The following EFEMP1 variants were observed in gnomAD, a reference collection of about 807,000 sequenced individuals.
EFEMP1 encodes the protein EGF-containing fibulin-like extracellular matrix protein 1.
Under a neutral mutation model 65.7 loss-of-function variants are expected in EFEMP1, and 18 were observed. The ratio of observed to expected loss-of-function variants is 0.27; its 90% CI spans 0.19 to 0.41. EFEMP1 has a LOEUF of 0.41. Among genes scored for constraint, EFEMP1 ranks in the 10% least tolerant of loss-of-function variants. EFEMP1 has a pLI of 1.00. For missense variants in EFEMP1, 469 were observed against 624.8 expected, an observed-to-expected ratio of 0.75 and a Z score of 2.66; for synonymous variants, 237 against 219.7, an observed-to-expected ratio of 1.08 and a Z score of -0.70.
chr2:55,922,452 A>G lies in EFEMP1; in HGVS notation c.-7-5T>C. On this transcript the variant is annotated splice_region_variant and splice_polypyrimidine_tract_variant and intron_variant, in intron 2 of 11. Coordinates refer to ENST00000355426, the MANE Select transcript of EFEMP1 (RefSeq NM_001039348.3). This position sits in a 1 kb window ranked among gnomAD's most constrained non-coding sequence, Gnocchi z 5.5. The stretch of plus-strand genomic sequence containing the variant: ...AGGGCTTTCAACATTGTGAATCTCA[A>G]AGAAAATACAGGACAAACTAATGTT... The G allele has an allele frequency of 6.2e-7, 1 of 1,612,522 alleles. No homozygotes were observed. Among genetic ancestry groups the G allele is most frequent in the Middle Eastern group, 1.7e-4 (1 of 6,054 alleles).
intron 5 of EFEMP1, among the ~76,000 whole-genome samples, chr2:55,905,308 A>C (rs2104432640): frequency 6.6e-6 from 1 of 152,272 alleles, no homozygotes; most frequent in Admixed American, 6.5e-5. Context: ...TTCTCTTGTC[A>C]CTATAAACTT....
chr2:55,920,653 T>A (rs1451260144), intron 3 of EFEMP1, among the ~76,000 whole-genome samples: 1 of 152,212 alleles, frequency 6.6e-6, no homozygotes, highest in Non-Finnish European at 1.5e-5. Context: ...TTCTAGACAT[T>A]TAATGTCAGT....
At chr2:55,875,151 A>G (rs1465564623) in intron 8 of EFEMP1, 86 bp from the exon 9 acceptor site, 1 of 490,668 alleles carries the variant, frequency 2.0e-6, no homozygotes, top group Non-Finnish European at 2.9e-6. Context: ...TAAATTATAT[A>G]TATATATAAA....
chr2:55,904,307 C>T (rs1388657445), intron 5 of EFEMP1, among the ~76,000 whole-genome samples: 1 of 152,176 alleles, frequency 6.6e-6, no homozygotes, highest in Non-Finnish European at 1.5e-5. Context: ...GACCAATAGG[C>T]AAGCAACACC....
At chr2:55,896,943 A>G (rs1669849441) in intron 5 of EFEMP1, among the ~76,000 whole-genome samples, 1 of 152,236 alleles carries the variant, frequency 6.6e-6, no homozygotes, top group South Asian at 2.1e-4. Flanking sequence ...GAAGTTATGC[A>G]GAACAACTTG....
intron 5 of EFEMP1, among the ~76,000 whole-genome samples, chr2:55,894,163 C>T (rs1253467270): frequency 6.6e-6 from 1 of 152,110 alleles, no homozygotes; most frequent in African/African-American, 2.4e-5. Context: ...GCACACATAA[C>T]ATTAACTAGA....
At chr2:55,899,191 C>T (rs780858913) in intron 5 of EFEMP1, among the ~76,000 whole-genome samples, 1 of 152,196 alleles carries the variant, frequency 6.6e-6, no homozygotes, top group Non-Finnish European at 1.5e-5. Context: ...TCAGTAATCG[C>T]CACTTACCAC....
rs199622147 is a variant in EFEMP1, at chr2:55,877,774, T to C, written c.732A>G (p.Gln244=). ...CGCAGGTATAGTTGTTTGCTGCCAA[T>C]TGAAACCCAGGACTGCACTGGCAAT... The part of the protein sequence containing the change: ...SFYCQCSPGF[Q]LAANNYTCVD... Residue 244 remains glutamine (Q), a synonymous_variant, in exon 7 of 12, where the codon CAA becomes CAG. Transcript: ENST00000355426. The surrounding 1 kb of genome is among the most constrained non-coding windows in gnomAD (Gnocchi z 4.5). 8.2e-5 allele frequency: 133 copies of C among 1,613,226 alleles called. 1 individual carries two copies. The highest frequency in any genetic ancestry group is 5.5e-4 in the African/African-American group (41 of 74,998).
intron 5 of EFEMP1, among the ~76,000 whole-genome samples, chr2:55,916,307 G>A (rs529101399): frequency 1.6e-4 from 25 of 152,040 alleles, no homozygotes; most frequent in African/African-American, 5.5e-4. Context: ...ATGGGGTTTC[G>A]CCATGTTGGC....
At chr2:55,890,029 A>G (rs1249217689) in intron 5 of EFEMP1, among the ~76,000 whole-genome samples, 3 of 152,084 alleles carry the variant, frequency 2.0e-5, no homozygotes, top group African/African-American at 7.2e-5. Flanking sequence ...CACTCACTAA[A>G]AACCAAAAAT....
rs747488611 is a variant in EFEMP1, at chr2:55,919,435, G to A, written c.82-1168C>T. On this transcript the variant is annotated intron_variant, in intron 3 of 11. Transcript: ENST00000355426. The surrounding 1 kb of genome is among the most constrained non-coding windows in gnomAD (Gnocchi z 4.5). ...TAAATTCTTAGCAAGTATCCCAGGC[G>A]ATTCCCATACAGGTTGTCTAGGAAC... Among the ~76,000 whole-genome samples the A allele has an allele frequency of 1.3e-5, 2 of 152,188 alleles. No individual in the cohort carries two copies. The highest frequency in any genetic ancestry group is 3.8e-4 in the East Asian group (2 of 5,198).
Position 55,877,870 on chromosome 2 carries a change from G to T in EFEMP1, c.641-5C>A. ...GGATGGTACATTCATCTATGTCTAG[G>T]TTATCAGGCACACACACAAAGAGAA... is the stretch of plus-strand genomic sequence containing the variant. On this transcript the variant is annotated splice_region_variant and splice_polypyrimidine_tract_variant and intron_variant, in intron 6 of 11. Transcript: ENST00000355426. The surrounding 1 kb of genome is among the most constrained non-coding windows in gnomAD (Gnocchi z 4.5). 6.2e-7 allele frequency: 1 copy of T among 1,612,762 alleles called. No individual in the cohort carries two copies. The highest frequency in any genetic ancestry group is 1.1e-5 in the South Asian group (1 of 91,052).
intron 5 of EFEMP1, among the ~76,000 whole-genome samples, chr2:55,902,436 G>A (rs1170435886): frequency 6.6e-6 from 1 of 152,224 alleles, no homozygotes; most frequent in Non-Finnish European, 1.5e-5. Context: ...GTCACATTTA[G>A]TGCTGGCACC....
At position 55,917,158 on chromosome 2, in the gene EFEMP1, T is replaced by C. The variant is rs1275767076; in HGVS notation, c.517+507A>G. On this transcript the variant is annotated intron_variant, in intron 5 of 11. Coordinates refer to ENST00000355426, the MANE Select transcript of EFEMP1 (RefSeq NM_001039348.3). This position sits in a 1 kb window ranked among gnomAD's most constrained non-coding sequence, Gnocchi z 6.3. ...AAACCAAAGGGGTACATCTGTAGAG[T>C]AGCTTGACAGCATAATTTCAAATTC... 6.6e-6 allele frequency among the ~76,000 whole-genome samples: 1 copy of C among 152,010 alleles called. No homozygotes were observed. The highest frequency in any genetic ancestry group is 1.5e-5 in the Non-Finnish European group (1 of 67,998).
chr2:55,916,928 T>C (rs2104450861), intron 5 of EFEMP1, among the ~76,000 whole-genome samples: 1 of 152,320 alleles, frequency 6.6e-6, no homozygotes, highest in African/African-American at 2.4e-5. Flanking sequence ...ATGTGTATGC[T>C]CTGTGAAAAT....
At position 55,922,304 on chromosome 2, in the gene EFEMP1, T is replaced by C. The variant is rs1184747578; in HGVS notation, c.81+56A>G. Reference sequence around the variant, plus strand: ...CACTGGCAGGGGTGTGTAAAGTCTTTTTTTGTCACAGAATCCCGCTGAACC... The same window carrying C: ...CACTGGCAGGGGTGTGTAAAGTCTTCTTTTGTCACAGAATCCCGCTGAACC... On this transcript the variant is annotated intron_variant, in intron 3 of 11. Transcript: ENST00000355426. This position sits in a 1 kb window ranked among gnomAD's most constrained non-coding sequence, Gnocchi z 5.5. 3 of 1,567,958 alleles carry C rather than the reference T, an allele frequency of 1.9e-6. No individual in the cohort carries two copies. The African/African-American group carries it at 4.1e-5, about 21-fold the overall frequency.
chr2:55,917,670 C>A lies in EFEMP1; in HGVS notation c.512G>T (p.Cys171Phe). ...AGYEQSEHNV[C>F]QDIDECTAGT... ...GGAAAATAAGTTATTCCTACCTTGGCACACGTTGTGTTCACTTTGCTCGTA... is the reference window on the plus strand; with the variant it reads ...GGAAAATAAGTTATTCCTACCTTGGAACACGTTGTGTTCACTTTGCTCGTA... Residue 171 changes from cysteine to phenylalanine, a missense_variant, in exon 5 of 12, where the codon TGC (cysteine) becomes TTC (phenylalanine). By Grantham distance (205) the Cys-to-Phe change is radical (BLOSUM62 -2). This residue lies in a region of EFEMP1 where 399 missense variants were observed against 528.2 expected (regional missense o/e 0.76). Coordinates refer to ENST00000355426, the MANE Select transcript of EFEMP1 (RefSeq NM_001039348.3). This position sits in a 1 kb window ranked among gnomAD's most constrained non-coding sequence, Gnocchi z 6.3. 1 of 1,614,184 alleles carries A rather than the reference C, an allele frequency of 6.2e-7. No individual in the cohort carries two copies. The highest frequency in any genetic ancestry group is 8.5e-7 in the Non-Finnish European group (1 of 1,180,010).
rs1668563816 is a variant in EFEMP1 at position 55,866,109 on chromosome 2, A to T, written c.*964T>A. On this transcript the variant is annotated 3_prime_UTR_variant, in exon 12 of 12. Transcript: ENST00000355426. Reference sequence around the variant, plus strand: ...TTGCTTAAGTTCACTGTCACTCTGGATGCCAGGAATAAAAACCATCATCAT... The same window carrying T: ...TTGCTTAAGTTCACTGTCACTCTGGTTGCCAGGAATAAAAACCATCATCAT... The T allele has an allele frequency of 6.6e-6, 1 of 152,212 alleles. No individual in the cohort carries two copies. The highest frequency in any genetic ancestry group is 1.5e-5 in the Non-Finnish European group (1 of 68,042). 9.4% of individuals were successfully genotyped at this position (152,212 alleles called of 1,614,324 possible). A position where few individuals can be genotyped will look rare whatever the true frequency, so the allele number is the denominator to read the frequency against.
rs974914091 is a variant in EFEMP1 at position 55,877,941 on chromosome 2, C to A, written c.641-76G>T. On this transcript the variant is annotated intron_variant, in intron 6 of 11. Coordinates refer to ENST00000355426, the MANE Select transcript of EFEMP1 (RefSeq NM_001039348.3). This position sits in a 1 kb window ranked among gnomAD's most constrained non-coding sequence, Gnocchi z 4.5. ...TCTCTGAAAAGCATTATCTAGAAAA[C>A]CTATGTAGAGAAAATCTCTTTTTAA... The A allele has an allele frequency of 2.4e-5, 37 of 1,555,952 alleles. No homozygotes were observed. The highest frequency in any genetic ancestry group is 3.1e-5 in the Non-Finnish European group (35 of 1,139,566).
Sources: allele counts gnomAD v4.1 joint callset (sites outside exome capture counted in the v4.1 genomes callset), GRCh38; gene constraint gnomAD v4.1.1; regional missense constraint gnomAD v4.1.1; non-coding constraint Gnocchi (gnomAD v3.1); transcripts MANE v1.5; gene names NCBI Gene and HGNC (gene_info 2026-07-23, HGNC 2026-07-21).